The following LINGO1 variants were observed in gnomAD, a reference collection of about 807,000 sequenced individuals.
The protein encoded by LINGO1 is leucine rich repeat and Ig domain containing 1, also known as leucine-rich repeat and immunoglobulin-like domain-containing nogo receptor-interacting protein 1.
A neutral mutation model predicts 37.3 loss-of-function variants in LINGO1; 11 were observed. That is an observed-to-expected ratio of 0.29 (90% CI 0.19 to 0.49). The LOEUF is 0.49. Among genes scored for constraint, LINGO1 ranks in the 20% least tolerant of loss-of-function variants. The pLI, the probability that LINGO1 is intolerant of heterozygous loss-of-function variation, is 0.99. For missense variants in LINGO1, 585 were observed against 878.2 expected (o/e 0.67, Z 4.22); for synonymous variants, 387 against 403.0 (o/e 0.96, Z 0.48).
chr15:77,799,264 A>G (rs11636608), intron 1 of LINGO1, among the ~76,000 whole-genome samples: 29,137 of 152,174 alleles, frequency 0.19, 3,120 homozygotes, highest in Admixed American at 0.32. Context: ...CAGAGGAGAC[A>G]GACCATCATG....
At chr15:77,726,561 G>A (rs2076104447) in intron 2 of LINGO1, among the ~76,000 whole-genome samples, 1 of 152,228 alleles carries the variant, frequency 6.6e-6, no homozygotes, top group South Asian at 2.1e-4. Flanking sequence ...AATGAAGCTG[G>A]ACTCTTACCT....
At chr15:77,804,537 T>C (rs1005922188) in intron 1 of LINGO1, among the ~76,000 whole-genome samples, 3 of 152,190 alleles carry the variant, frequency 2.0e-5, no homozygotes, top group African/African-American at 7.2e-5. Context: ...GCGACAACCC[T>C]GAGTCTCATT....
At chr15:77,662,824 A>G (rs1216979818) in intron 3 of LINGO1, among the ~76,000 whole-genome samples, 2 of 152,230 alleles carry the variant, frequency 1.3e-5, no homozygotes, top group African/African-American at 4.8e-5. Context: ...GCACATGTGT[A>G]TACCAACAGA....
At chr15:77,769,707 G>A (rs934692739) in intron 1 of LINGO1, among the ~76,000 whole-genome samples, 32 of 152,094 alleles carry the variant, frequency 2.1e-4, no homozygotes, top group Non-Finnish European at 1.6e-4. Flanking sequence ...AGTGCTGGAC[G>A]GCTGTTTATC....
At chr15:77,768,897 G>A (rs62007821) in intron 1 of LINGO1, among the ~76,000 whole-genome samples, 27,413 of 152,194 alleles carry the variant, frequency 0.18, 2,804 homozygotes, top group Middle Eastern at 0.24. Flanking sequence ...CAGGGGTGTG[G>A]CCACAGGTCC....
At chr15:77,820,760 T>G (rs1455512604), upstream of LINGO1, 1 of 152,314 alleles carries the variant, frequency 6.6e-6, no homozygotes, top group African/African-American at 2.4e-5. Context: ...AGGTAGTCCC[T>G]CAGCCCCCAG....
At chr15:77,751,912 C>G (rs538981241) in intron 1 of LINGO1, among the ~76,000 whole-genome samples, 2 of 152,336 alleles carry the variant, frequency 1.3e-5, no homozygotes, top group South Asian at 2.1e-4. Context: ...CCAAGTCCCC[C>G]CTGTGTGCCA....
At position 77,632,828 on chromosome 15, in the gene LINGO1, G is replaced by C. The variant is rs1378309829; in HGVS notation, c.-513C>G. ...GGACCCACCGCCGCCGCCGCCGCCT[G>C]CGCTGTCGCCCGCCGCCCGCTCCGG... On this transcript the variant is annotated 5_prime_UTR_variant, in exon 1 of 2. Coordinates refer to ENST00000355300, the MANE Select transcript of LINGO1 (RefSeq NM_032808.7). This position sits in a 1 kb window ranked among gnomAD's most constrained non-coding sequence, Gnocchi z 6.0. 6.7e-6 allele frequency among the ~76,000 whole-genome samples: 1 copy of C among 148,720 alleles called. No individual in the cohort carries two copies. Among genetic ancestry groups the C allele is most frequent in the Non-Finnish European group, 1.5e-5 (1 of 66,792 alleles).
At chr15:77,740,869 G>C (rs2076256386) in intron 1 of LINGO1, among the ~76,000 whole-genome samples, 1 of 152,238 alleles carries the variant, frequency 6.6e-6, no homozygotes, top group Non-Finnish European at 1.5e-5. Context: ...GAGGTTCCAA[G>C]AAGGCAGTGC....
At chr15:77,662,991 C>T (rs536509688) in intron 3 of LINGO1, among the ~76,000 whole-genome samples, 5 of 152,362 alleles carry the variant, frequency 3.3e-5, no homozygotes, top group South Asian at 4.1e-4. Flanking sequence ...GGCAGGACTC[C>T]GCCTCTGGGG....
At chr15:77,779,576 C>T (rs1196030719) in intron 1 of LINGO1, among the ~76,000 whole-genome samples, 1 of 151,980 alleles carries the variant, frequency 6.6e-6, no homozygotes, top group East Asian at 1.9e-4. Context: ...ACCTAGATCC[C>T]TCACATGCGC....
In LINGO1 at chr15:77,811,945, TAA is replaced by T. The variant is rs5813884; in HGVS notation, c.-458+8311_-458+8312del. Among the ~76,000 whole-genome samples the T allele has an allele frequency of 2.1e-4, 30 of 142,494 alleles. No homozygotes were observed. The South Asian group carries it at 2.7e-3, about 13-fold the overall frequency. 93.5% of individuals were successfully genotyped at this position (142,494 alleles called of 152,430 possible). On this transcript the variant is annotated intron_variant, in intron 1 of 5. Transcript: ENST00000562933. ...TGTCTGAAAATGTTCCCAACAAAAT[TAA>T]AAAAAAAAAAAATAGCACAGTCACG...
intron 2 of LINGO1, among the ~76,000 whole-genome samples, chr15:77,687,322 G>T (rs927360023): frequency 6.6e-6 from 1 of 152,180 alleles, no homozygotes; most frequent in Non-Finnish European, 1.5e-5. Flanking sequence ...CCAGGACCAG[G>T]GTTTAGTGTG....
intron 2 of LINGO1, among the ~76,000 whole-genome samples, chr15:77,730,698 A>C (rs978114967): frequency 1.3e-5 from 2 of 152,214 alleles, no homozygotes; most frequent in African/African-American, 4.8e-5. Context: ...AGGCAGGGGG[A>C]AAAAAGCCAG....
In LINGO1 at chr15:77,655,437, T is replaced by C. The variant is rs77365005; in HGVS notation, c.-13+21652A>G. The stretch of plus-strand genomic sequence containing the variant: ...CCCTACAATGCCACCTCCCCAAACA[T>C]AGACACGCTGGGTCCTACCGCCACA... On this transcript the variant is annotated intron_variant, in intron 3 of 3. Transcript: ENST00000559893. Among the ~76,000 whole-genome samples the C allele has an allele frequency of 7.8e-3, 1,182 of 152,026 alleles. 23 individuals carry two copies. Among genetic ancestry groups the C allele is most frequent in the African/African-American group, 0.027 (1,137 of 41,460 alleles).
intron 2 of LINGO1, among the ~76,000 whole-genome samples, chr15:77,714,520 C>T (rs184365817): frequency 2.0e-5 from 3 of 152,268 alleles, no homozygotes; most frequent in African/African-American, 2.4e-5. Flanking sequence ...ATCCCCCTCA[C>T]GGTCCTCCCA....
chr15:77,738,863 C>T (rs901368849), intron 1 of LINGO1, among the ~76,000 whole-genome samples: 2 of 152,146 alleles, frequency 1.3e-5, no homozygotes, highest in Non-Finnish European at 2.9e-5. Flanking sequence ...ACTCCGAAGC[C>T]TGTGTTCTTA....
chr15:77,646,296 AG>A, intron 3 of LINGO1: 1 of 347,492 alleles, frequency 2.9e-6, no homozygotes, highest in South Asian at 2.3e-5. Flanking sequence ...CCTGCCACAG[AG>A]CAGTGGGCGG....
chr15:77,740,795 C>T (rs1207789677), intron 1 of LINGO1, among the ~76,000 whole-genome samples: 2 of 152,158 alleles, frequency 1.3e-5, no homozygotes, highest in Non-Finnish European at 2.9e-5. Flanking sequence ...ACCTAAAGAC[C>T]GAGGCTGCCC....
Sources: allele counts gnomAD v4.1 joint callset (sites outside exome capture counted in the v4.1 genomes callset), GRCh38; gene constraint gnomAD v4.1.1; non-coding constraint Gnocchi (gnomAD v3.1); transcripts MANE v1.5; gene names NCBI Gene and HGNC (gene_info 2026-07-23, HGNC 2026-07-21).